KIRREL3: variants seen among roughly 807,000 people sequenced by gnomAD.
KIRREL3 encodes the protein kirre like nephrin family adhesion molecule 3.
KIRREL3 carries 36 observed loss-of-function variants against 89.7 expected under a neutral mutation model. That is an observed-to-expected ratio of 0.40 (90% CI 0.31 to 0.53). The LOEUF (loss-of-function observed/expected upper bound fraction) is 0.53. Ranked by LOEUF, KIRREL3 falls within the 20% of genes least tolerant of loss-of-function variation. The pLI, the probability that KIRREL3 is intolerant of heterozygous loss-of-function variation, is 0.49. For missense variants in KIRREL3, 864 were observed against 1,056.6 expected, an observed-to-expected ratio of 0.82 and a Z score of 2.53; for synonymous variants, 445 against 441.4, an observed-to-expected ratio of 1.01 and a Z score of -0.10.
At position 126,710,199 on chromosome 11, in the gene KIRREL3, T is replaced by C. The variant is rs945152505; in HGVS notation, c.56-147287A>G. On this transcript the variant is annotated intron_variant, in intron 1 of 16. Coordinates refer to ENST00000525144, the MANE Select transcript of KIRREL3 (RefSeq NM_032531.4). The surrounding 1 kb of genome is among the most constrained non-coding windows in gnomAD (Gnocchi z 4.2). ...CTGGCATCAGTGGACCCCAGATCTG[T>C]CCACAGGCAGCAGGGCCCTGACCAA... Among the ~76,000 whole-genome samples, 1 of 152,086 alleles carries C rather than the reference T, an allele frequency of 6.6e-6. No homozygotes were observed. The highest frequency in any genetic ancestry group is 1.5e-5 in the Non-Finnish European group (1 of 67,994).
Position 126,486,225 on chromosome 11 carries a change from G to A in KIRREL3, c.434-12759C>T, listed in dbSNP as rs549451645. 3.9e-5 allele frequency among the ~76,000 whole-genome samples: 6 copies of A among 152,288 alleles called. No homozygotes were observed. Among genetic ancestry groups the A allele is most frequent in the Admixed American group, 2.6e-4 (4 of 15,310 alleles). The stretch of plus-strand genomic sequence containing the variant: ...GGCTCCAGATGACAGAGGGTGCTAC[G>A]TGGCCGCCGTCTGCACAGCAAGGGT... On this transcript the variant is annotated intron_variant, in intron 4 of 16. Transcript: ENST00000525144. The surrounding 1 kb of genome is among the most constrained non-coding windows in gnomAD (Gnocchi z 6.2).
rs1947605360 is a variant in KIRREL3 at position 126,924,368 on chromosome 11, C to A, written c.55+76087G>T. On this transcript the variant is annotated intron_variant, in intron 1 of 16. Coordinates refer to ENST00000525144, the MANE Select transcript of KIRREL3 (RefSeq NM_032531.4). The surrounding 1 kb of genome is among the most constrained non-coding windows in gnomAD (Gnocchi z 4.7). ...CACCCTTCAGAAAGCTGTCTCCCAG[C>A]ACCTAGCATAACACCAGGTCCTTAT... 6.6e-6 allele frequency among the ~76,000 whole-genome samples: 1 copy of A among 152,202 alleles called. No individual in the cohort carries two copies. Among genetic ancestry groups the A allele is most frequent in the South Asian group, 2.1e-4 (1 of 4,828 alleles).
In KIRREL3 at chr11:126,981,282, C is replaced by CT. The variant is rs1246538944; in HGVS notation, c.55+19172dup. On this transcript the variant is annotated intron_variant, in intron 1 of 16. Transcript: ENST00000525144. The surrounding 1 kb of genome is among the most constrained non-coding windows in gnomAD (Gnocchi z 4.2). ...TTGTTCTTAGTGTTCAGCCTGGGAC[C>CT]TAGGCAGGCTACAGATGTTACTGCT... Among the ~76,000 whole-genome samples, 12 of 152,186 alleles carry CT rather than the reference C, an allele frequency of 7.9e-5. No individual in the cohort carries two copies. The highest frequency in any genetic ancestry group is 2.9e-4 in the African/African-American group (12 of 41,432).
At chr11:126,701,364 GTCTTGGT>G (rs1947307045) in intron 1 of KIRREL3, among the ~76,000 whole-genome samples, 1 of 152,134 alleles carries the variant, frequency 6.6e-6, no homozygotes, top group South Asian at 2.1e-4. Flanking sequence ...GATTCTCTCA[GTCTTGGT>G]GAGAGAGGGA....
At position 126,766,363 on chromosome 11, in the gene KIRREL3, C is replaced by T. The variant is rs186833573; in HGVS notation, c.56-203451G>A. ...CAGAATTAGAACACTCACTCCTACG[C>T]GGAGAAGAAAAAACTTGGGGAGAGA... is the stretch of plus-strand genomic sequence containing the variant. On this transcript the variant is annotated intron_variant, in intron 1 of 16. Coordinates refer to ENST00000525144, the MANE Select transcript of KIRREL3 (RefSeq NM_032531.4). The surrounding 1 kb of genome is among the most constrained non-coding windows in gnomAD (Gnocchi z 4.2). Among the ~76,000 whole-genome samples, 137 of 152,154 alleles carry T rather than the reference C, an allele frequency of 9.0e-4. 3 individuals carry two copies. Among genetic ancestry groups the T allele is most frequent in the African/African-American group, 2.8e-3 (116 of 41,508 alleles).
intron 1 of KIRREL3, among the ~76,000 whole-genome samples, chr11:126,853,696 C>T (rs932980547): frequency 3.3e-5 from 5 of 151,772 alleles, no homozygotes; most frequent in African/African-American, 1.2e-4. Flanking sequence ...GGAGTTATAA[C>T]AATTCTGAAA....
intron 1 of KIRREL3, among the ~76,000 whole-genome samples, chr11:126,746,941 G>T (rs1949172024): frequency 6.6e-6 from 1 of 152,176 alleles, no homozygotes; most frequent in South Asian, 2.1e-4. Context: ...ACCACACTGA[G>T]GATAGACAGT....
chr11:126,529,073 C>T (rs1328143542), intron 2 of KIRREL3, among the ~76,000 whole-genome samples: 2 of 152,062 alleles, frequency 1.3e-5, no homozygotes, highest in Admixed American at 6.5e-5. Flanking sequence ...AAGCAGTGCC[C>T]GAGCCCTCTG....
At chr11:126,732,478 C>T (rs1948658555) in intron 1 of KIRREL3, among the ~76,000 whole-genome samples, 1 of 152,144 alleles carries the variant, frequency 6.6e-6, no homozygotes, top group African/African-American at 2.4e-5. Flanking sequence ...GCTCTCTGGT[C>T]AACTGGACTA....
chr11:126,894,077 T>G (rs1342169088), intron 1 of KIRREL3, among the ~76,000 whole-genome samples: 1 of 152,220 alleles, frequency 6.6e-6, no homozygotes, highest in East Asian at 1.9e-4. Context: ...ACATTTCCAC[T>G]GTTGACACGT....
rs866189481 is a variant in KIRREL3, at chr11:126,689,168, A to G, written c.56-126256T>C. Reference sequence around the variant, plus strand: ...CTGTGATCTTGCAGGAAACATCAACAGTCTGAGAATTGTTGTTTCAGGAAC... The same window carrying G: ...CTGTGATCTTGCAGGAAACATCAACGGTCTGAGAATTGTTGTTTCAGGAAC... On this transcript the variant is annotated intron_variant, in intron 1 of 16. Transcript: ENST00000525144. The surrounding 1 kb of genome is among the most constrained non-coding windows in gnomAD (Gnocchi z 5.2). Among the ~76,000 whole-genome samples the G allele has an allele frequency of 2.3e-4, 35 of 152,318 alleles. No individual in the cohort carries two copies. Among genetic ancestry groups the G allele is most frequent in the African/African-American group, 7.0e-4 (29 of 41,572 alleles).
chr11:126,525,257 C>T lies in KIRREL3; in HGVS notation c.283+1281G>A, dbSNP rs996092455. On this transcript the variant is annotated intron_variant, in intron 3 of 16. Transcript: ENST00000525144. This position sits in a 1 kb window ranked among gnomAD's most constrained non-coding sequence, Gnocchi z 5.4. ...AGACAGCCTCCTTAACTAGCGGCAG[C>T]GCTCATCCCAGCTCGGAGCCATTCA... Among the ~76,000 whole-genome samples, 5 of 152,218 alleles carry T rather than the reference C, an allele frequency of 3.3e-5. No individual in the cohort carries two copies. Among genetic ancestry groups the T allele is most frequent in the Non-Finnish European group, 5.9e-5 (4 of 68,040 alleles).
Position 126,498,946 on chromosome 11 carries a change from C to T in KIRREL3, c.433+22369G>A, listed in dbSNP as rs1957763476. 6.6e-6 allele frequency among the ~76,000 whole-genome samples: 1 copy of T among 152,124 alleles called. No individual in the cohort carries two copies. Among genetic ancestry groups the T allele is most frequent in the Non-Finnish European group, 1.5e-5 (1 of 68,026 alleles). ...TTGGGAGGTGGAGGCGGGTGGATCACCTGAGGTCATGAGTTTGAGACCAGC... is the reference window on the plus strand; with the variant it reads ...TTGGGAGGTGGAGGCGGGTGGATCATCTGAGGTCATGAGTTTGAGACCAGC... On this transcript the variant is annotated intron_variant, in intron 4 of 16. Coordinates refer to ENST00000525144, the MANE Select transcript of KIRREL3 (RefSeq NM_032531.4). This position sits in a 1 kb window ranked among gnomAD's most constrained non-coding sequence, Gnocchi z 4.3.
rs1396441290 is a variant in KIRREL3 at position 126,579,457 on chromosome 11, G to C, written c.56-16545C>G. 6.6e-6 allele frequency among the ~76,000 whole-genome samples: 1 copy of C among 152,136 alleles called. No homozygotes were observed. Among genetic ancestry groups the C allele is most frequent in the African/African-American group, 2.4e-5 (1 of 41,420 alleles). ...TTCTACTGTGCCTTTTCTCTGCAGA[G>C]TGCTCAGTGTCCCCAGGAACCACTC... On this transcript the variant is annotated intron_variant, in intron 1 of 16. Transcript: ENST00000525144. The surrounding 1 kb of genome is among the most constrained non-coding windows in gnomAD (Gnocchi z 5.3).
intron 1 of KIRREL3, among the ~76,000 whole-genome samples, chr11:126,923,275 C>T (rs60080060): frequency 0.022 from 1,795 of 79,880 alleles, 313 homozygotes; most frequent in African/African-American, 0.039. Context: ...TTCTCCTTCT[C>T]CTTCTCCTTC....
At chr11:126,470,730 G>A (rs1486830731) in intron 5 of KIRREL3, among the ~76,000 whole-genome samples, 1 of 152,164 alleles carries the variant, frequency 6.6e-6, no homozygotes, top group Admixed American at 6.5e-5. Flanking sequence ...GAGCTTGGGG[G>A]ACCGGCTTGC....
In KIRREL3 at chr11:126,605,355, A is replaced by C. The variant is rs534931929; in HGVS notation, c.56-42443T>G. 9.2e-5 allele frequency among the ~76,000 whole-genome samples: 14 copies of C among 152,170 alleles called. No homozygotes were observed. Among genetic ancestry groups the C allele is most frequent in the South Asian group, 4.1e-4 (2 of 4,826 alleles). ...ATCTTCAGGCGTCGGGAGTGGGAGC[A>C]ATGGAGCACCCATGGTCTCCAGGTC... On this transcript the variant is annotated intron_variant, in intron 1 of 16. Coordinates refer to ENST00000525144, the MANE Select transcript of KIRREL3 (RefSeq NM_032531.4). This position sits in a 1 kb window ranked among gnomAD's most constrained non-coding sequence, Gnocchi z 5.7.
At chr11:126,585,652 C>A (rs1941802161) in intron 1 of KIRREL3, among the ~76,000 whole-genome samples, 1 of 152,228 alleles carries the variant, frequency 6.6e-6, no homozygotes, top group Admixed American at 6.5e-5. Flanking sequence ...GCTTAGGGTT[C>A]CACCCTCATG....
intron 13 of KIRREL3, 91 bp downstream of exon 13, chr11:126,435,177 G>A (rs919417032): frequency 8.8e-5 from 119 of 1,356,860 alleles, no homozygotes; most frequent in Non-Finnish European, 1.2e-4. Flanking sequence ...GCCAGCACAG[G>A]CCTCCCTACC....
Sources: allele counts gnomAD v4.1 joint callset (sites outside exome capture counted in the v4.1 genomes callset), GRCh38; gene constraint gnomAD v4.1.1; non-coding constraint Gnocchi (gnomAD v3.1); transcripts MANE v1.5; gene names NCBI Gene and HGNC (gene_info 2026-07-23, HGNC 2026-07-21).